Variants in MAN1A1 observed in about 807,000 individuals in gnomAD.
MAN1A1 encodes the protein mannosidase alpha class 1A member 1, also known as mannosyl-oligosaccharide 1,2-alpha-mannosidase IA.
In MAN1A1, 29 loss-of-function variants were observed where a neutral mutation model predicts 70.8. That is an observed-to-expected ratio of 0.41 (90% CI 0.31 to 0.56). MAN1A1 has a LOEUF of 0.56. Ranked by LOEUF, MAN1A1 falls within the 20% of genes least tolerant of loss-of-function variation. MAN1A1 has a pLI of 0.29. For synonymous variants in MAN1A1, 349 were observed against 330.1 expected (o/e 1.06, Z -0.62); for missense variants, 747 against 841.3 (o/e 0.89, Z 1.39).
rs954555458 is a variant in MAN1A1, at chr6:119,349,323, G to C, written c.-222-36C>G. ...AGAAACAGTAAAACGTAGTAATTAC[G>C]GCGATGATAAAGTTTCCAGCGGGTC... On this transcript the variant is annotated intron_variant, in intron 1 of 12. Coordinates refer to ENST00000368468, the MANE Select transcript of MAN1A1 (RefSeq NM_005907.4). 5 of 1,170,532 alleles carry C rather than the reference G, an allele frequency of 4.3e-6. No homozygotes were observed. The African/African-American group carries it at 6.4e-5, about 15-fold the overall frequency. 72.5% of individuals were successfully genotyped at this position (1,170,532 alleles called of 1,614,324 possible).
intron 3 of MAN1A1, among the ~76,000 whole-genome samples, chr6:119,303,497 C>T (rs1336994932): frequency 6.6e-6 from 1 of 152,168 alleles, no homozygotes; most frequent in Non-Finnish European, 1.5e-5. Flanking sequence ...ACTGTAGAAA[C>T]CTTTTTCCTT....
chr6:119,278,008 G>T (rs1776125185), intron 5 of MAN1A1, among the ~76,000 whole-genome samples: 1 of 149,940 alleles, frequency 6.7e-6, no homozygotes, highest in South Asian at 2.1e-4. Flanking sequence ...AATTAGCCAG[G>T]CATGGTGGTG....
chr6:119,182,726 G>A (rs1773185288), intron 11 of MAN1A1, among the ~76,000 whole-genome samples: 1 of 151,976 alleles, frequency 6.6e-6, no homozygotes, highest in Non-Finnish European at 1.5e-5. Context: ...AAATAATAAA[G>A]TTTAAGACTA....
At chr6:119,307,030 G>T (rs757485385) in intron 2 of MAN1A1, 38 bp from the exon 3 acceptor site, 2 of 1,408,526 alleles carry the variant, frequency 1.4e-6, no homozygotes, top group South Asian at 1.2e-5. Flanking sequence ...TAATTTGAAT[G>T]GAGATGTTTT....
At chr6:119,350,148 T>A (rs9374784), upstream of MAN1A1, among the ~76,000 whole-genome samples, 10,939 of 152,132 alleles carry the variant, frequency 0.072, 717 homozygotes, top group Admixed American at 0.22. Context: ...GCGCGGGACC[T>A]CTCTGCCTCC....
intron 6 of MAN1A1, among the ~76,000 whole-genome samples, chr6:119,226,950 C>T (rs9320682): frequency 0.85 from 129,850 of 152,164 alleles, 55,721 homozygotes; most frequent in Non-Finnish European, 0.9. Flanking sequence ...GGATTAGAGG[C>T]GTGAGCCACC....
intron 2 of MAN1A1, among the ~76,000 whole-genome samples, chr6:119,348,063 C>T (rs977246659): frequency 6.6e-5 from 10 of 152,206 alleles, no homozygotes; most frequent in Non-Finnish European, 1.2e-4. Flanking sequence ...CTTTACCACG[C>T]GTGAAGACTC....
intron 4 of MAN1A1, among the ~76,000 whole-genome samples, chr6:119,295,138 A>G (rs982042964): frequency 6.6e-6 from 1 of 152,142 alleles, no homozygotes; most frequent in Non-Finnish European, 1.5e-5. Flanking sequence ...ATACCATGAG[A>G]TCATGGACAG....
intron 6 of MAN1A1, among the ~76,000 whole-genome samples, chr6:119,227,936 ATAT>A (rs1774565013): frequency 6.6e-6 from 1 of 152,206 alleles, no homozygotes; most frequent in Non-Finnish European, 1.5e-5. Context: ...AGAATGCACT[ATAT>A]ATAGAGAAAT....
chr6:119,213,076 A>G (rs942536355), intron 6 of MAN1A1, among the ~76,000 whole-genome samples: 1 of 152,232 alleles, frequency 6.6e-6, no homozygotes, highest in Non-Finnish European at 1.5e-5. Flanking sequence ...TTTAAGCTGC[A>G]TGAGGTAAGT....
At chr6:119,272,449 A>C (rs1480196883) in intron 5 of MAN1A1, among the ~76,000 whole-genome samples, 6 of 152,202 alleles carry the variant, frequency 3.9e-5, no homozygotes, top group African/African-American at 1.4e-4. Flanking sequence ...GCTCTTTGCT[A>C]TGCCTTTCCT....
chr6:119,256,399 A>C (rs1775459398), intron 5 of MAN1A1, among the ~76,000 whole-genome samples: 1 of 143,518 alleles, frequency 7.0e-6, no homozygotes, highest in Admixed American at 7.3e-5. Flanking sequence ...TGAATGAATA[A>C]AATTGTATCT....
intron 5 of MAN1A1, among the ~76,000 whole-genome samples, chr6:119,261,702 G>A (rs907874528): frequency 2.0e-5 from 3 of 152,138 alleles, no homozygotes; most frequent in Non-Finnish European, 4.4e-5. Flanking sequence ...AAACTGTAAA[G>A]AAAGTTCATG....
In MAN1A1 at chr6:119,348,874, G is replaced by C; in HGVS notation, c.192C>G (p.Asp64Glu). The change falls in exon 2 of 13, where the codon GAC (aspartate) becomes GAG (glutamate). Residue 64 changes from aspartate to glutamate, a missense_variant. This residue lies in a region of MAN1A1 where 328 missense variants were observed against 293.1 expected (regional missense o/e 1.12). Coordinates refer to ENST00000368468, the MANE Select transcript of MAN1A1 (RefSeq NM_005907.4). The part of the protein sequence containing the change: ...LCFGAIFFLP[D>E]SSKLLSGVLF... ...GGACCCCGCTGAGCAGCTTGGAGGA[G>C]TCTGGCAGGAAGAAGATCGCCCCGA... 4.6e-6 allele frequency: 7 copies of C among 1,533,082 alleles called. No individual in the cohort carries two copies. Among genetic ancestry groups the C allele is most frequent in the Non-Finnish European group, 6.1e-6 (7 of 1,141,962 alleles). 95.0% of individuals were successfully genotyped at this position (1,533,082 alleles called of 1,614,324 possible).
intron 8 of MAN1A1, among the ~76,000 whole-genome samples, chr6:119,194,839 CTTT>C (rs149200738): frequency 4.1e-5 from 6 of 146,510 alleles, no homozygotes; most frequent in Admixed American, 6.8e-5. Flanking sequence ...CATTTTTTTT[CTTT>C]TTTTTTTTTG....
chr6:119,267,760 C>T (rs756923141), intron 5 of MAN1A1, among the ~76,000 whole-genome samples: 5 of 152,226 alleles, frequency 3.3e-5, no homozygotes, highest in Non-Finnish European at 7.3e-5. Flanking sequence ...ACCAAATCTA[C>T]ATCATTAGAC....
intron 5 of MAN1A1, chr6:119,269,362 G>T: frequency 4.6e-6 from 1 of 219,018 alleles, no homozygotes; most frequent in Non-Finnish European, 9.3e-6. Context: ...ACACAACCTT[G>T]GGAGCAGCAG....
At chr6:119,241,543 C>A (rs1280913784) in intron 6 of MAN1A1, among the ~76,000 whole-genome samples, 1 of 152,106 alleles carries the variant, frequency 6.6e-6, no homozygotes, top group Admixed American at 6.6e-5. Context: ...TGCTTATGAT[C>A]CAGCAATGTT....
At chr6:119,233,810 C>G (rs1774758839) in intron 6 of MAN1A1, among the ~76,000 whole-genome samples, 1 of 152,210 alleles carries the variant, frequency 6.6e-6, no homozygotes, top group South Asian at 2.1e-4. Context: ...CACTGTTCTA[C>G]AGCTTTCAGA....
Sources: gnomAD v4.1 joint callset for allele counts (sites outside exome capture counted in the v4.1 genomes callset) on GRCh38, gnomAD v4.1.1 for gene constraint, gnomAD v4.1.1 regional missense constraint, MANE v1.5 for transcripts, NCBI Gene and HGNC (gene_info 2026-07-23, HGNC 2026-07-21) for gene names.